AATK: variants seen among roughly 807,000 people sequenced by gnomAD.
The protein encoded by AATK is lemur tail kinase 1, also known as serine/threonine-protein kinase LMTK1.
A neutral mutation model predicts 114.3 loss-of-function variants in AATK; 91 were observed. That is an observed-to-expected ratio of 0.80 (90% confidence interval 0.67 to 0.95). The LOEUF (loss-of-function observed/expected upper bound fraction) is 0.95. Ranked by LOEUF, AATK falls within the 40% of genes least tolerant of loss-of-function variation. The pLI, the probability that AATK is intolerant of heterozygous loss-of-function variation, is 0.00. For synonymous variants in AATK, 1,075 were observed against 916.5 expected (o/e 1.17, Z -3.12); for missense variants, 2,176 against 1,965.2 (o/e 1.11, Z -2.03).
At position 81,134,366 on chromosome 17, in the gene AATK, A is replaced by C; in HGVS notation, c.189+2T>G. ...ACAGCTCCCGCGGCCCCCAGGCCTCACCTTGAACCCGATACCGCCCTTCTT... is the reference window on the plus strand; with the variant it reads ...ACAGCTCCCGCGGCCCCCAGGCCTCCCCTTGAACCCGATACCGCCCTTCTT... On this transcript the variant is annotated splice_donor_variant, in intron 2 of 13. Transcript: ENST00000326724. LOFTEE classifies it high-confidence loss of function. 6.2e-7 allele frequency: 1 copy of C among 1,613,014 alleles called. No individual in the cohort carries two copies. Among genetic ancestry groups the C allele is most frequent in the Non-Finnish European group, 8.5e-7 (1 of 1,179,740 alleles).
intron 1 of AATK, among the ~76,000 whole-genome samples, chr17:81,140,892 A>G (rs372776168): frequency 0.031 from 1,583 of 51,122 alleles, 44 homozygotes; most frequent in Middle Eastern, 0.083. Context: ...GGGGACCGTG[A>G]GCTGTGAGCC....
At chr17:81,148,804 ACT>A (rs1567824213) in intron 1 of AATK, among the ~76,000 whole-genome samples, 9 of 55,928 alleles carry the variant, frequency 1.6e-4, no homozygotes, top group African/African-American at 2.8e-4. Flanking sequence ...ATATGCACAC[ACT>A]CACGCGCACA....
rs573184365 is a variant in AATK at position 81,124,703 on chromosome 17, C to T, written c.962+24G>A. 1.5e-4 allele frequency: 237 copies of T among 1,607,682 alleles called. 3 individuals are homozygous for T. The South Asian group carries it at 1.9e-3, about 13-fold the overall frequency. Reference sequence around the variant, plus strand: ...GGTGGCACTCGGCCTCGGCCCCTCACGGTGCCACCAGGGCCGCACTCACCA... The same window carrying T: ...GGTGGCACTCGGCCTCGGCCCCTCATGGTGCCACCAGGGCCGCACTCACCA... On this transcript the variant is annotated intron_variant, in intron 9 of 13. Coordinates refer to ENST00000326724, the MANE Select transcript of AATK (RefSeq NM_001080395.3).
chr17:81,127,759 C>A, intron 5 of AATK, 33 bp downstream of exon 5: 1 of 1,502,292 alleles, frequency 6.7e-7, no homozygotes, highest in Non-Finnish European at 9.1e-7. Context: ...GGGGGCCGCA[C>A]AGCACAGGCC....
intron 1 of AATK, among the ~76,000 whole-genome samples, chr17:81,146,893 C>G (rs2061227695): frequency 6.6e-6 from 1 of 150,462 alleles, no homozygotes; most frequent in African/African-American, 2.5e-5. Flanking sequence ...ATCAGAACAG[C>G]CTGTGGACCT....
intron 1 of AATK, 108 bp from the exon 2 acceptor site, chr17:81,134,609 G>A (rs2060983068): frequency 3.5e-6 from 5 of 1,418,528 alleles, no homozygotes; most frequent in Middle Eastern, 2.5e-4. Context: ...TTCCAGGCTG[G>A]GCCTCAGCAC....
At chr17:81,144,077 C>A (rs1372403616) in intron 1 of AATK, among the ~76,000 whole-genome samples, 1 of 152,224 alleles carries the variant, frequency 6.6e-6, no homozygotes, top group Non-Finnish European at 1.5e-5. Flanking sequence ...CCCCTGTCCC[C>A]GCTCGGCCCT....
intron 1 of AATK, among the ~76,000 whole-genome samples, chr17:81,152,844 A>ATTTT (rs71166127): frequency 6.9e-6 from 1 of 145,024 alleles, no homozygotes; most frequent in Non-Finnish European, 1.5e-5. Context: ...GCCCTGCTGA[A>ATTTT]TTTTTTTTTT....
Position 81,117,465 on chromosome 17 carries a change from A to C in AATK, c.*937T>G, listed in dbSNP as rs1434740034. 6.6e-6 allele frequency: 1 copy of C among 152,088 alleles called. No individual in the cohort carries two copies. Among genetic ancestry groups the C allele is most frequent in the African/African-American group, 2.4e-5 (1 of 41,278 alleles). 9.4% of individuals were successfully genotyped at this position (152,088 alleles called of 1,614,324 possible). ...AATCACCCAACTTCCATTCGCTCCA[A>C]CCACAGCAGTTAGTTAGTTACAAAA... On this transcript the variant is annotated 3_prime_UTR_variant, in exon 14 of 14. Coordinates refer to ENST00000326724, the MANE Select transcript of AATK (RefSeq NM_001080395.3).
chr17:81,118,429 AC>A lies in AATK; in HGVS notation c.4097del (p.Gly1366ValfsTer64). 6.2e-7 allele frequency: 1 copy of A among 1,608,792 alleles called. No homozygotes were observed. Among genetic ancestry groups the A allele is most frequent in the Non-Finnish European group, 8.5e-7 (1 of 1,178,294 alleles). On this transcript the variant is annotated frameshift_variant, in exon 14 of 14. Transcript: ENST00000326724. LOFTEE classifies it high-confidence loss of function. ...DAESKRGPEA[G>X]AGGESKEA is the part of the protein sequence containing the mutation. ...AAGCCTCTTTACTCTCACCCCCGGC[AC>A]CAGCTTCAGGTCCTGGCAAGCAGGA...
Position 81,131,320 on chromosome 17 carries a change from G to A in AATK, c.190-115C>T, listed in dbSNP as rs576558863. On this transcript the variant is annotated intron_variant, in intron 2 of 13. Coordinates refer to ENST00000326724, the MANE Select transcript of AATK (RefSeq NM_001080395.3). ...AGCTCCCAGGGCAGGGCAGGAGGGG[G>A]TGCTCGGCCCAGAGTTGGAGCCACC... 5.1e-6 allele frequency: 7 copies of A among 1,374,394 alleles called. No individual in the cohort carries two copies. In the East Asian group the frequency reaches 1.8e-4, roughly 35 times the overall value. The allele number at this position is 1,374,394 out of a possible 1,614,324, so 85.1% of individuals were successfully genotyped here. A position where few individuals can be genotyped will look rare whatever the true frequency, so the allele number is the denominator to read the frequency against.
In AATK at chr17:81,120,952, G is replaced by A. The variant is rs1489686658; in HGVS notation, c.2984C>T (p.Ser995Phe). 4 of 1,609,194 alleles carry A rather than the reference G, an allele frequency of 2.5e-6. No homozygotes were observed. Among genetic ancestry groups the A allele is most frequent in the Non-Finnish European group, 3.4e-6 (4 of 1,178,506 alleles). The part of the protein sequence containing the change: ...GLNEKNPYRD[S>F]AYFSDLEAEA... ...AGCCTCGAGGTCTGAGAAGTAGGCAGAGTCTCGGTAGGGATTCTTCTCGTT... is the reference window on the plus strand; with the variant it reads ...AGCCTCGAGGTCTGAGAAGTAGGCAAAGTCTCGGTAGGGATTCTTCTCGTT... The change falls in exon 11 of 14, where the codon TCT (serine) becomes TTT (phenylalanine). Residue 995 changes from serine (S) to phenylalanine (F), a missense_variant. Transcript: ENST00000326724.
intron 3 of AATK, chr17:81,128,759 G>C (rs74731872): frequency 0.07 from 96,441 of 1,378,452 alleles, 3,600 homozygotes; most frequent in South Asian, 0.11. Context: ...CGGAGCTGCA[G>C]GATCCATCCG....
chr17:81,135,215 G>A (rs867260794), intron 1 of AATK, among the ~76,000 whole-genome samples: 5 of 152,194 alleles, frequency 3.3e-5, no homozygotes, highest in Non-Finnish European at 7.3e-5. Context: ...TCCCAACTTC[G>A]GAGTATTGAG....
At chr17:81,153,215 T>C (rs1031546518) in intron 1 of AATK, among the ~76,000 whole-genome samples, 4 of 152,230 alleles carry the variant, frequency 2.6e-5, no homozygotes, top group Non-Finnish European at 5.9e-5. Context: ...AGAGCTTTCC[T>C]GGCTTGTTTC....
chr17:81,125,168 G>A lies in AATK; in HGVS notation c.756-154C>T, dbSNP rs2060788362. ...GGATGGCTCACAGTCCAGGCTGGAA[G>A]GGGCGTTGGAGACACTGCCACCCCC... On this transcript the variant is annotated intron_variant, in intron 7 of 13. Transcript: ENST00000326724. 6 of 728,858 alleles carry A rather than the reference G, an allele frequency of 8.2e-6. No homozygotes were observed. In the South Asian group the frequency reaches 8.8e-5, roughly 11 times the overall value. The allele number at this position is 728,858 out of a possible 1,614,324, so 45.1% of individuals were successfully genotyped here.
At chr17:81,124,187 A>G (rs9895415) in intron 9 of AATK, among the ~76,000 whole-genome samples, 86,475 of 151,438 alleles carry the variant, frequency 0.57, 25,023 homozygotes, top group African/African-American at 0.66. Context: ...TTGGGGAAGC[A>G]GCAGAGGTGA....
chr17:81,131,290 G>A, intron 2 of AATK, 85 bp from the exon 3 acceptor site: 1 of 1,460,060 alleles, frequency 6.8e-7, no homozygotes, highest in Non-Finnish European at 9.0e-7. Flanking sequence ...TTTCTTCCAG[G>A]GCCGAGCTCC....
Position 81,126,677 on chromosome 17 carries a change from C to G in AATK, c.622-117G>C. On this transcript the variant is annotated intron_variant, in intron 6 of 13. Coordinates refer to ENST00000326724, the MANE Select transcript of AATK (RefSeq NM_001080395.3). The surrounding 1 kb of genome is among the most constrained non-coding windows in gnomAD (Gnocchi z 5.1). The stretch of plus-strand genomic sequence containing the variant: ...ACCCACAGCTGAGGGACAGCAGCTG[C>G]CCAGAGCAGCCTCGTGCCCTGCACA... 1 of 1,452,474 alleles carries G rather than the reference C, an allele frequency of 6.9e-7. No individual in the cohort carries two copies. Among genetic ancestry groups the G allele is most frequent in the African/African-American group, 1.4e-5 (1 of 70,612 alleles). The allele number at this position is 1,452,474 out of a possible 1,614,324, so 90.0% of individuals were successfully genotyped here. A position where few individuals can be genotyped will look rare whatever the true frequency, so the allele number is the denominator to read the frequency against.
Sources: gnomAD v4.1 joint callset for allele counts (sites outside exome capture counted in the v4.1 genomes callset) on GRCh38, gnomAD v4.1.1 for gene constraint, Gnocchi (gnomAD v3.1) non-coding constraint, MANE v1.5 for transcripts, NCBI Gene and HGNC (gene_info 2026-07-23, HGNC 2026-07-21) for gene names.